The following ICA1 variants were observed in gnomAD, a reference collection of about 807,000 sequenced individuals.
The protein encoded by ICA1 is 69 kDa islet cell autoantigen.
A neutral mutation model predicts 71.0 loss-of-function variants in ICA1; 40 were observed. That is an observed-to-expected ratio of 0.56 (90% CI 0.44 to 0.73). The LOEUF (loss-of-function observed/expected upper bound fraction) is 0.73. Among genes scored for constraint, ICA1 ranks in the 30% least tolerant of loss-of-function variants. ICA1 has a pLI of 0.00. For missense variants in ICA1, 578 were observed against 576.5 expected (o/e 1.00, Z -0.03); for synonymous variants, 207 against 209.5 (o/e 0.99, Z 0.10).
At chr7:8,259,056 GTTGC>G (rs760636481) in intron 1 of ICA1, among the ~76,000 whole-genome samples, 1 of 152,180 alleles carries the variant, frequency 6.6e-6, no homozygotes, top group Non-Finnish European at 1.5e-5. Flanking sequence ...TACCTGAGAT[GTTGC>G]TTAACAGCAG....
At chr7:8,247,321 AC>A (rs1806407964) in intron 1 of ICA1, among the ~76,000 whole-genome samples, 2 of 152,048 alleles carry the variant, frequency 1.3e-5, no homozygotes, top group African/African-American at 4.8e-5. Flanking sequence ...TTAGCTAGAC[AC>A]GGTGGCACAC....
At chr7:8,158,316 A>T in intron 7 of ICA1, 2 of 564,384 alleles carry the variant, frequency 3.5e-6, no homozygotes, top group Non-Finnish European at 6.2e-6. Flanking sequence ...AAATGTACAG[A>T]AGTGGGAAAT....
chr7:8,224,779 C>A (rs983268959), intron 4 of ICA1, among the ~76,000 whole-genome samples: 1 of 152,142 alleles, frequency 6.6e-6, no homozygotes, highest in African/African-American at 2.4e-5. Flanking sequence ...AATCTGTGAC[C>A]GTTCCTTAGT....
chr7:8,259,676 T>C lies in ICA1; in HGVS notation c.-80+2418A>G, dbSNP rs77040311. 7.7e-3 allele frequency among the ~76,000 whole-genome samples: 1,180 copies of C among 152,304 alleles called. 13 individuals carry two copies. Among genetic ancestry groups the C allele is most frequent in the African/African-American group, 0.027 (1,130 of 41,560 alleles). Reference sequence around the variant, plus strand: ...TTCTGTAGATAAGGAAATGGTGACTTAAGTAACTTGGTCAAGGTCACACGG... The same window carrying C: ...TTCTGTAGATAAGGAAATGGTGACTCAAGTAACTTGGTCAAGGTCACACGG... On this transcript the variant is annotated intron_variant, in intron 1 of 13. Transcript: ENST00000402384.
intron 1 of ICA1, among the ~76,000 whole-genome samples, chr7:8,245,433 T>C (rs541883511): frequency 1.0e-3 from 148 of 148,142 alleles, no homozygotes; most frequent in African/African-American, 3.2e-3. Context: ...GGGGCAGGGA[T>C]GGCATTTGGA....
chr7:8,141,972 C>A (rs1795407642), intron 9 of ICA1, 155 bp from the exon 10 acceptor site: 3 of 1,506,870 alleles, frequency 2.0e-6, no homozygotes, highest in Non-Finnish European at 2.7e-6. Flanking sequence ...CATTTACATG[C>A]CAATTTGCTG....
In ICA1 at chr7:8,234,296, G is replaced by C. The variant is rs902142654; in HGVS notation, c.18-1541C>G. On this transcript the variant is annotated intron_variant, in intron 2 of 13. Transcript: ENST00000402384. This position sits in a 1 kb window ranked among gnomAD's most constrained non-coding sequence, Gnocchi z 4.5. ...GAAATGGAATTGTGTAAAAGTGATT[G>C]GAGTACCCCAAATATGGCTGGAAAG... Among the ~76,000 whole-genome samples the C allele has an allele frequency of 6.6e-6, 1 of 152,148 alleles. No homozygotes were observed. The highest frequency in any genetic ancestry group is 2.4e-5 in the African/African-American group (1 of 41,442).
chr7:8,235,103 G>A (rs1801435155), intron 2 of ICA1, among the ~76,000 whole-genome samples: 1 of 152,086 alleles, frequency 6.6e-6, no homozygotes, highest in Non-Finnish European at 1.5e-5. Flanking sequence ...GGCGGAGGTT[G>A]CAGTGAGCTG....
At chr7:8,152,484 C>T (rs1799162104) in intron 8 of ICA1, among the ~76,000 whole-genome samples, 1 of 151,532 alleles carries the variant, frequency 6.6e-6, no homozygotes, top group East Asian at 1.9e-4. Flanking sequence ...ACCACCACAA[C>T]CATTACCGTC....
intron 6 of ICA1, among the ~76,000 whole-genome samples, chr7:8,209,095 A>G (rs187126333): frequency 6.6e-6 from 1 of 152,330 alleles, no homozygotes; most frequent in Admixed American, 6.5e-5. Flanking sequence ...TGGCAAAAGG[A>G]AAACTATCTT....
chr7:8,210,438 G>T (rs1186046930), intron 6 of ICA1, among the ~76,000 whole-genome samples: 3 of 152,166 alleles, frequency 2.0e-5, no homozygotes, highest in African/African-American at 7.2e-5. Flanking sequence ...TCATGAATAT[G>T]TATTTATTTA....
intron 6 of ICA1, among the ~76,000 whole-genome samples, chr7:8,195,686 T>A (rs1787226621): frequency 1.3e-5 from 2 of 151,696 alleles, no homozygotes; most frequent in African/African-American, 2.4e-5. Context: ...CCACCTGGAG[T>A]TAAAAACATC....
chr7:8,203,811 G>A (rs1212858303), intron 6 of ICA1, among the ~76,000 whole-genome samples: 7 of 152,144 alleles, frequency 4.6e-5, no homozygotes, highest in Admixed American at 3.9e-4. Context: ...AAACCTGTGG[G>A]GCAATTTGCA....
intron 3 of ICA1, among the ~76,000 whole-genome samples, chr7:8,229,604 T>C (rs7805508): frequency 0.18 from 27,875 of 152,180 alleles, 6,743 homozygotes; most frequent in African/African-American, 0.56. Context: ...AAATTATATA[T>C]TGGTATCATA....
rs1481826386 is a variant in ICA1 at position 8,129,770 on chromosome 7, G to C, written c.1061-1628C>G. 2.0e-5 allele frequency among the ~76,000 whole-genome samples: 3 copies of C among 151,954 alleles called. No individual in the cohort carries two copies. In the East Asian group the frequency reaches 5.8e-4, roughly 29 times the overall value. ...CACAACGTGCAGGTTTGTTACATAT[G>C]TATACATGTGCCATGCTGGTGTGTT... On this transcript the variant is annotated intron_variant, in intron 12 of 13. Coordinates refer to ENST00000402384, the MANE Select transcript of ICA1 (RefSeq NM_001136020.3).
chr7:8,197,959 C>T (rs1050440151), intron 6 of ICA1, among the ~76,000 whole-genome samples: 1 of 152,146 alleles, frequency 6.6e-6, no homozygotes, highest in African/African-American at 2.4e-5. Context: ...ATATGTTATA[C>T]ATAATGATTT....
intron 2 of ICA1, 61 bp from the exon 3 acceptor site, chr7:8,232,816 GTGAAA>G: frequency 7.3e-7 from 1 of 1,365,654 alleles, no homozygotes; most frequent in Non-Finnish European, 9.7e-7. Context: ...ATATTTTAGT[GTGAAA>G]TGATTTCTTT....
intron 13 of ICA1, among the ~76,000 whole-genome samples, chr7:8,124,214 G>C (rs981168659): frequency 6.9e-6 from 1 of 145,936 alleles, no homozygotes; most frequent in African/African-American, 2.5e-5. Context: ...TCCGCCTCCC[G>C]GGTTCACGCC....
chr7:8,228,821 G>T, intron 3 of ICA1, 148 bp from the exon 4 acceptor site: 1 of 455,296 alleles, frequency 2.2e-6, no homozygotes. Flanking sequence ...GTACTATACA[G>T]AAACTGTGAC....
Sources: allele counts gnomAD v4.1 joint callset (sites outside exome capture counted in the v4.1 genomes callset), GRCh38; gene constraint gnomAD v4.1.1; non-coding constraint Gnocchi (gnomAD v3.1); transcripts MANE v1.5; gene names NCBI Gene and HGNC (gene_info 2026-07-23, HGNC 2026-07-21).